FARP1: variants seen among roughly 807,000 people sequenced by gnomAD.
FARP1 encodes FERM, ARH/RhoGEF and pleckstrin domain protein 1.
Under a neutral mutation model 128.8 loss-of-function variants are expected in FARP1, and 52 were observed. The observed-to-expected ratio is 0.40, with a 90% CI of 0.32 to 0.51. FARP1 has a LOEUF of 0.51. Ranked by LOEUF, FARP1 falls within the 20% of genes least tolerant of loss-of-function variation. The pLI is 0.45. For synonymous variants in FARP1, 580 were observed against 551.8 expected (o/e 1.05, Z -0.72); for missense variants, 1,333 against 1,367.9 (o/e 0.97, Z 0.40).
At position 98,278,100 on chromosome 13, in the gene FARP1, CAA is replaced by C. The variant is rs1335233193; in HGVS notation, c.171+64690_171+64691del. Among the ~76,000 whole-genome samples, 6 of 151,974 alleles carry C rather than the reference CAA, an allele frequency of 3.9e-5. No individual in the cohort carries two copies. In the East Asian group the frequency reaches 1.2e-3, roughly 29 times the overall value. On this transcript the variant is annotated intron_variant, in intron 2 of 26. Coordinates refer to ENST00000319562, the MANE Select transcript of FARP1 (RefSeq NM_005766.4). ...AAGGGGAAGTATTACTGTGACTATT[CAA>C]AAGAGCTGTGTTTTCTTCTACCGGT...
chr13:98,397,785 A>G (rs1411385685), intron 13 of FARP1: 1 of 151,994 alleles, frequency 6.6e-6, no homozygotes, highest in Non-Finnish European at 1.5e-5. Flanking sequence ...GGAATACAGT[A>G]AAAGTGTTAG....
At chr13:98,167,798 C>T (rs1473425839) in intron 1 of FARP1, among the ~76,000 whole-genome samples, 1 of 152,130 alleles carries the variant, frequency 6.6e-6, no homozygotes, top group Non-Finnish European at 1.5e-5. Context: ...ATATTGGGAT[C>T]TAATTTTATT....
At position 98,226,695 on chromosome 13, in the gene FARP1, C is replaced by G. The variant is rs371592363; in HGVS notation, c.171+13282C>G. 2.6e-5 allele frequency among the ~76,000 whole-genome samples: 4 copies of G among 152,252 alleles called. No homozygotes were observed. In the South Asian group the frequency reaches 6.2e-4, roughly 24 times the overall value. On this transcript the variant is annotated intron_variant, in intron 2 of 26. Transcript: ENST00000319562. ...CCAGTAAGTGGAGGAGACCAGAACT[C>G]TTAAATCACATGTATGTGTACTTGG... is the stretch of plus-strand genomic sequence containing the variant.
At chr13:98,419,861 G>A (rs966439307) in intron 16 of FARP1, among the ~76,000 whole-genome samples, 11 of 152,298 alleles carry the variant, frequency 7.2e-5, no homozygotes, top group African/African-American at 2.6e-4. Flanking sequence ...GCTCTGAGGA[G>A]ATGGCTCTTC....
intron 5 of FARP1, among the ~76,000 whole-genome samples, chr13:98,376,355 A>G (rs936482440): frequency 6.6e-6 from 1 of 152,192 alleles, no homozygotes; most frequent in Non-Finnish European, 1.5e-5. Context: ...GCTCCCAAAA[A>G]TAAGTGAGAA....
At chr13:98,157,857 T>C (rs1566676195) in intron 1 of FARP1, among the ~76,000 whole-genome samples, 1 of 152,228 alleles carries the variant, frequency 6.6e-6, no homozygotes, top group African/African-American at 2.4e-5. Context: ...TGAACTCTCT[T>C]AAGTGGTAAA....
At chr13:98,336,802 G>T (rs1299757928) in intron 2 of FARP1, among the ~76,000 whole-genome samples, 1 of 152,186 alleles carries the variant, frequency 6.6e-6, no homozygotes, top group Non-Finnish European at 1.5e-5. Context: ...CAACTGGTTG[G>T]TGCGCTAGAT....
chr13:98,229,378 A>G (rs1256108373), intron 2 of FARP1, among the ~76,000 whole-genome samples: 1 of 152,214 alleles, frequency 6.6e-6, no homozygotes, highest in Non-Finnish European at 1.5e-5. Flanking sequence ...AAATTTCCCC[A>G]TTATGAAACC....
chr13:98,403,694 A>G (rs918595441), intron 13 of FARP1: 4 of 152,216 alleles, frequency 2.6e-5, no homozygotes, highest in African/African-American at 9.7e-5. Context: ...TGGCGGAACA[A>G]TGAAGTACGT....
intron 2 of FARP1, among the ~76,000 whole-genome samples, chr13:98,312,622 G>A (rs201625703): frequency 2.6e-4 from 39 of 152,240 alleles, no homozygotes; most frequent in African/African-American, 9.4e-4. Flanking sequence ...ATAGCTCAGT[G>A]GAATAATTAG....
intron 3 of FARP1, among the ~76,000 whole-genome samples, chr13:98,352,663 T>TA (rs1888484402): frequency 6.6e-6 from 1 of 152,248 alleles, no homozygotes; most frequent in Non-Finnish European, 1.5e-5. Flanking sequence ...ATCAAGGTCA[T>TA]AATGATATTT....
chr13:98,256,967 A>AGGG (rs1883643116), intron 2 of FARP1, among the ~76,000 whole-genome samples: 1 of 134,786 alleles, frequency 7.4e-6, no homozygotes, highest in African/African-American at 2.7e-5. Flanking sequence ...ATATATATAT[A>AGGG]TATATATATA....
chr13:98,343,612 G>A, intron 2 of FARP1, 150 bp from the exon 3 acceptor site: 1 of 650,446 alleles, frequency 1.5e-6, no homozygotes, highest in Non-Finnish European at 2.8e-6. Flanking sequence ...TGTAGATGGG[G>A]CTGGCGTTCA....
intron 1 of FARP1, among the ~76,000 whole-genome samples, chr13:98,159,910 G>C (rs1203526606): frequency 6.6e-6 from 1 of 152,184 alleles, no homozygotes; most frequent in Non-Finnish European, 1.5e-5. Context: ...TGTGAAGTTG[G>C]AGGATGAAAA....
chr13:98,214,156 G>C (rs529213916), intron 2 of FARP1, among the ~76,000 whole-genome samples: 7 of 152,316 alleles, frequency 4.6e-5, no homozygotes, highest in Admixed American at 1.3e-4. Flanking sequence ...TCTTCTCCGA[G>C]CCCCTGCCTG....
At chr13:98,402,769 C>A (rs1266008800) in intron 13 of FARP1, 1 of 152,134 alleles carries the variant, frequency 6.6e-6, no homozygotes, top group African/African-American at 2.4e-5. Context: ...AACCAAACCT[C>A]ACCAGCTTGG....
chr13:98,378,947 A>AAT (rs71111950), intron 6 of FARP1, among the ~76,000 whole-genome samples: 5 of 114,798 alleles, frequency 4.4e-5, no homozygotes, highest in Non-Finnish European at 8.4e-5. Flanking sequence ...ATCTATATAT[A>AAT]ATATATATAT....
At position 98,169,017 on chromosome 13, in the gene FARP1, CAA is replaced by C. The variant is rs1877468737; in HGVS notation, c.-24+25529_-24+25530del. ...GATAATGCCCTATGATAGTTTTCTT[CAA>C]AAACTGTTTTTTTTTGTTGTTAAGA... On this transcript the variant is annotated intron_variant, in intron 1 of 26. Coordinates refer to ENST00000319562, the MANE Select transcript of FARP1 (RefSeq NM_005766.4). Among the ~76,000 whole-genome samples, 2 of 152,214 alleles carry C rather than the reference CAA, an allele frequency of 1.3e-5. 1 individual carries two copies. Among genetic ancestry groups the C allele is most frequent in the East Asian group, 3.9e-4 (2 of 5,192 alleles).
At chr13:98,389,861 T>G (rs1469828604) in intron 9 of FARP1, 96 bp from the exon 10 acceptor site, 11 of 1,250,202 alleles carry the variant, frequency 8.8e-6, no homozygotes, top group Non-Finnish European at 1.2e-5. Flanking sequence ...CAGCGAAAAC[T>G]TTATCGGACA....
Sources: gnomAD v4.1 joint callset for allele counts (sites outside exome capture counted in the v4.1 genomes callset) on GRCh38, gnomAD v4.1.1 for gene constraint, MANE v1.5 for transcripts, NCBI Gene and HGNC (gene_info 2026-07-23, HGNC 2026-07-21) for gene names.